GRM7: variants seen among roughly 807,000 people sequenced by gnomAD.
GRM7 encodes glutamate metabotropic receptor 7, also known as metabotropic glutamate receptor 7.
GRM7 carries 35 observed loss-of-function variants against 84.5 expected under a neutral mutation model. The ratio of observed to expected loss-of-function variants is 0.41; its 90% CI spans 0.32 to 0.55. The LOEUF is 0.55. Ranked by LOEUF, GRM7 falls within the 20% of genes least tolerant of loss-of-function variation. The probability of loss-of-function intolerance (pLI) is 0.19; values close to 1 mark genes in which losing one functional copy is unlikely to be tolerated. For synonymous variants in GRM7, 487 were observed against 455.1 expected, an observed-to-expected ratio of 1.07 and a Z score of -0.89; for missense variants, 1,003 against 1,194.6, an observed-to-expected ratio of 0.84 and a Z score of 2.36.
intron 1 of GRM7, among the ~76,000 whole-genome samples, chr3:7,097,692 A>C (rs986412944): frequency 1.3e-5 from 2 of 152,134 alleles, no homozygotes; most frequent in African/African-American, 2.4e-5. Context: ...AGTTTGGTCT[A>C]TATACTCTCG....
chr3:7,698,025 T>A (rs1701084103), intron 9 of GRM7, among the ~76,000 whole-genome samples: 1 of 152,202 alleles, frequency 6.6e-6, no homozygotes, highest in Non-Finnish European at 1.5e-5. Context: ...GAGTGGTTAC[T>A]CTTGTTAGGG....
intron 8 of GRM7, among the ~76,000 whole-genome samples, chr3:7,606,408 T>A (rs1017998626): frequency 1.3e-5 from 2 of 152,170 alleles, no homozygotes; most frequent in South Asian, 4.1e-4. Flanking sequence ...GAAAATTTTT[T>A]AAAAAATCAG....
intron 1 of GRM7, among the ~76,000 whole-genome samples, chr3:7,035,854 C>A (rs1696368612): frequency 6.6e-6 from 1 of 152,234 alleles, no homozygotes; most frequent in Non-Finnish European, 1.5e-5. Context: ...ACACTTTTAG[C>A]ACAGCCAAGA....
intron 4 of GRM7, among the ~76,000 whole-genome samples, chr3:7,349,516 T>C (rs1364388583): frequency 6.6e-6 from 1 of 152,140 alleles, no homozygotes; most frequent in African/African-American, 2.4e-5. Context: ...TGGAAGAGAA[T>C]ATATTTTAAC....
At chr3:6,927,509 G>GAAAGAAAGAAAGAAAGAA (rs1285196928) in intron 1 of GRM7, among the ~76,000 whole-genome samples, 1 of 142,860 alleles carries the variant, frequency 7.0e-6, no homozygotes, top group Non-Finnish European at 1.6e-5. Flanking sequence ...AAGAAAGAAA[G>GAAAGAAAGAAAGAAAGAA]AAAGAAAGAA....
intron 1 of GRM7, among the ~76,000 whole-genome samples, chr3:7,116,617 T>C (rs1438156384): frequency 6.6e-6 from 1 of 152,188 alleles, no homozygotes; most frequent in East Asian, 1.9e-4. Context: ...CAACAGGTTC[T>C]GTACCAAGCA....
intron 1 of GRM7, among the ~76,000 whole-genome samples, chr3:7,023,452 G>A (rs1695855104): frequency 6.6e-6 from 1 of 152,084 alleles, no homozygotes; most frequent in Admixed American, 6.5e-5. Context: ...GCATGCCCAG[G>A]TGCCTTGTGT....
rs368880278 is a variant in GRM7 at position 7,699,248 on chromosome 3, C to T, written c.2698+18953C>T. 5.9e-5 allele frequency among the ~76,000 whole-genome samples: 9 copies of T among 152,252 alleles called. No individual in the cohort carries two copies. The East Asian group carries it at 1.6e-3, about 26-fold the overall frequency. On this transcript the variant is annotated intron_variant, in intron 9 of 9. Transcript: ENST00000357716. ...CTGACTACCTAGTTTTCTGAAAAAG[C>T]TCTGTCATCAGACCCCAGGTCACCT...
chr3:7,727,902 C>T (rs145383956), intron 9 of GRM7, among the ~76,000 whole-genome samples: 2 of 152,192 alleles, frequency 1.3e-5, no homozygotes, highest in African/African-American at 4.8e-5. Context: ...TAATCCTAGA[C>T]AGAGCTGCAG....
chr3:7,718,169 T>C (rs1312444219), intron 9 of GRM7, among the ~76,000 whole-genome samples: 1 of 152,188 alleles, frequency 6.6e-6, no homozygotes, highest in Non-Finnish European at 1.5e-5. Context: ...CTCAGGGAGT[T>C]GATGAGGCAG....
intron 9 of GRM7, among the ~76,000 whole-genome samples, chr3:7,736,351 C>T (rs1702499947): frequency 6.6e-6 from 1 of 152,170 alleles, no homozygotes; most frequent in Non-Finnish European, 1.5e-5. Flanking sequence ...TTGTAGGTAT[C>T]ATCTACTGCA....
intron 1 of GRM7, among the ~76,000 whole-genome samples, chr3:6,902,611 C>T (rs1249352636): frequency 6.6e-6 from 1 of 152,018 alleles, no homozygotes; most frequent in African/African-American, 2.4e-5. Context: ...ACAAATGCTT[C>T]TAAGATTTAG....
At chr3:7,259,951 C>CTTTTTTTTTTTTTTTTTTTTT (rs1559534237) in intron 2 of GRM7, among the ~76,000 whole-genome samples, 6 of 13,410 alleles carry the variant, frequency 4.5e-4, no homozygotes, top group African/African-American at 3.3e-3. Context: ...TTACCAGCAT[C>CTTTTTTTTTTTTTTTTTTTTT]TGTTTTTTTT....
At chr3:7,387,732 C>T (rs781476858) in intron 4 of GRM7, among the ~76,000 whole-genome samples, 5 of 152,152 alleles carry the variant, frequency 3.3e-5, no homozygotes, top group African/African-American at 7.2e-5. Flanking sequence ...ATGCCTACAG[C>T]TTTATTCTTT....
At chr3:7,082,349 G>T (rs928737334) in intron 1 of GRM7, among the ~76,000 whole-genome samples, 1 of 152,000 alleles carries the variant, frequency 6.6e-6, no homozygotes, top group African/African-American at 2.4e-5. Context: ...ACAAAACCTG[G>T]ATGACAGCAC....
intron 4 of GRM7, among the ~76,000 whole-genome samples, chr3:7,367,571 T>G (rs1235349863): frequency 6.6e-6 from 1 of 151,906 alleles, no homozygotes; most frequent in Non-Finnish European, 1.5e-5. Context: ...TATACCAAGT[T>G]GAACTGCTGT....
chr3:6,908,520 A>G (rs1392527534), intron 1 of GRM7, among the ~76,000 whole-genome samples: 1 of 152,150 alleles, frequency 6.6e-6, no homozygotes, highest in African/African-American at 2.4e-5. Context: ...AGTCAAGGTC[A>G]TTCATTGTGG....
At chr3:6,912,979 G>C (rs1164804647) in intron 1 of GRM7, among the ~76,000 whole-genome samples, 1 of 152,036 alleles carries the variant, frequency 6.6e-6, no homozygotes, top group Admixed American at 6.6e-5. Context: ...AACAAAATTG[G>C]ATTATAGCAT....
chr3:6,871,577 G>A (rs1325596545), intron 1 of GRM7, among the ~76,000 whole-genome samples: 1 of 151,236 alleles, frequency 6.6e-6, no homozygotes, highest in African/African-American at 2.4e-5. Context: ...CTCCGTTTAG[G>A]TATTTGAAAA....
Sources: allele counts gnomAD v4.1 joint callset (sites outside exome capture counted in the v4.1 genomes callset), GRCh38; gene constraint gnomAD v4.1.1; transcripts MANE v1.5; gene names NCBI Gene and HGNC (gene_info 2026-07-23, HGNC 2026-07-21).